The following ACSL5 variants were observed in gnomAD, a reference collection of about 807,000 sequenced individuals.
The protein encoded by ACSL5 is acyl-CoA synthetase long chain family member 5, also known as long-chain-fatty-acid--CoA ligase 5.
ACSL5 carries 50 observed loss-of-function variants against 84.9 expected under a neutral mutation model. That is an observed-to-expected ratio of 0.59 (90% CI 0.47 to 0.75). The LOEUF (loss-of-function observed/expected upper bound fraction) is 0.75. Among genes scored for constraint, ACSL5 ranks in the 30% least tolerant of loss-of-function variants. The pLI is 0.00. For missense variants in ACSL5, 775 were observed against 830.4 expected (o/e 0.93, Z 0.82); for synonymous variants, 280 against 300.7 (o/e 0.93, Z 0.71).
chr10:112,424,362 A>G (rs1163417032), intron 17 of ACSL5: 1 of 152,256 alleles, frequency 6.6e-6, no homozygotes, highest in Non-Finnish European at 1.5e-5. Context: ...TTCTTGCTCA[A>G]TCAATATTTA....
intron 6 of ACSL5, 178 bp from the exon 7 acceptor site, chr10:112,409,329 A>G (rs1370788613): frequency 3.4e-6 from 2 of 580,266 alleles, no homozygotes; most frequent in Non-Finnish European, 6.1e-6. Flanking sequence ...TGTTTCAGTT[A>G]AGTTCATTTA....
In ACSL5 at chr10:112,407,051, A is replaced by T. The variant is rs534553184; in HGVS notation, c.433-1371A>T. Among the ~76,000 whole-genome samples the T allele has an allele frequency of 5.9e-5, 9 of 152,252 alleles. No individual in the cohort carries two copies. The East Asian group carries it at 1.7e-3, about 29-fold the overall frequency. ...CAGCAAGAGAAAATGAGGAAGAAGC[A>T]AAAAGTGGAAACCCCTGGTAAACCC... is the stretch of plus-strand genomic sequence containing the variant. On this transcript the variant is annotated intron_variant, in intron 5 of 20. Coordinates refer to ENST00000354655, the MANE Select transcript of ACSL5 (RefSeq NM_203379.2).
intron 1 of ACSL5, among the ~76,000 whole-genome samples, chr10:112,394,194 C>T (rs771906301): frequency 2.1e-4 from 32 of 152,304 alleles, no homozygotes; most frequent in Admixed American, 2.0e-4. Context: ...CTCTTCTTGA[C>T]CTAACTCTTC....
At chr10:112,388,188 C>T (rs899437623) in intron 1 of ACSL5, among the ~76,000 whole-genome samples, 1 of 152,148 alleles carries the variant, frequency 6.6e-6, no homozygotes, top group African/African-American at 2.4e-5. Flanking sequence ...GATCTGCCCT[C>T]CTTGGCCTCC....
intron 1 of ACSL5, among the ~76,000 whole-genome samples, chr10:112,374,842 G>A (rs1439654447): frequency 1.3e-5 from 2 of 152,174 alleles, no homozygotes; most frequent in African/African-American, 4.8e-5. Context: ...CTCCAAGGTG[G>A]TGTGGCTAGA....
chr10:112,408,089 A>G (rs1341893829), intron 5 of ACSL5, among the ~76,000 whole-genome samples: 8 of 152,086 alleles, frequency 5.3e-5, no homozygotes, highest in Admixed American at 2.6e-4. Flanking sequence ...GGTTGAGCCT[A>G]GGAGTTTTAT....
chr10:112,427,088 T>C (rs1157630680), intron 20 of ACSL5, 130 bp from the exon 21 acceptor site: 11 of 984,956 alleles, frequency 1.1e-5, no homozygotes, highest in Non-Finnish European at 1.7e-5. Context: ...TTTGTGGGAA[T>C]GGGCATGTGT....
intron 19 of ACSL5, 105 bp from the exon 20 acceptor site, chr10:112,426,683 T>G: frequency 1.0e-6 from 1 of 998,210 alleles, no homozygotes; most frequent in Non-Finnish European, 1.6e-6. Context: ...TTTATATTCC[T>G]GCTTTCATAC....
chr10:112,410,769 A>C, intron 9 of ACSL5, 134 bp downstream of exon 9: 1 of 848,324 alleles, frequency 1.2e-6, no homozygotes. Flanking sequence ...TAAGGCTTCT[A>C]AGTGTGAATT....
Position 112,404,691 on chromosome 10 carries a change from T to C in ACSL5, c.331-14T>C. On this transcript the variant is annotated splice_polypyrimidine_tract_variant and intron_variant, in intron 4 of 20. Coordinates refer to ENST00000354655, the MANE Select transcript of ACSL5 (RefSeq NM_203379.2). ...TCTTCTCTCTCTCTCTCACCCCATC[T>C]CTCTTTTTTGTAGGTGTCTGATAGA... 6.2e-7 allele frequency: 1 copy of C among 1,611,894 alleles called. No homozygotes were observed.
chr10:112,380,616 C>A (rs1220974706), intron 1 of ACSL5, among the ~76,000 whole-genome samples: 2 of 152,144 alleles, frequency 1.3e-5, no homozygotes, highest in Non-Finnish European at 2.9e-5. Flanking sequence ...CTCCATCCAA[C>A]CTAATGAGAT....
chr10:112,400,463 G>T (rs1442814999), intron 3 of ACSL5, among the ~76,000 whole-genome samples: 1 of 136,872 alleles, frequency 7.3e-6, no homozygotes, highest in African/African-American at 2.7e-5. Flanking sequence ...AGGCTGGAGT[G>T]CAGTGGTGCA....
intron 14 of ACSL5, 29 bp downstream of exon 14, chr10:112,417,970 G>A (rs1280155586): frequency 1.3e-6 from 2 of 1,527,800 alleles, no homozygotes; most frequent in East Asian, 2.3e-5. Context: ...TTGAGAATAG[G>A]CTATTTTACT....
intron 1 of ACSL5, among the ~76,000 whole-genome samples, chr10:112,385,850 C>T (rs1253062195): frequency 6.6e-6 from 1 of 152,108 alleles, no homozygotes; most frequent in Non-Finnish European, 1.5e-5. Flanking sequence ...GGTGTTATGT[C>T]TGTCTTGAGT....
chr10:112,422,499 T>C, intron 17 of ACSL5, 58 bp downstream of exon 17: 2 of 1,503,282 alleles, frequency 1.3e-6, no homozygotes. Flanking sequence ...AAGAACAATC[T>C]GCTTATAGCA....
intron 11 of ACSL5, chr10:112,412,440 G>A (rs1241467590): frequency 6.2e-6 from 1 of 160,100 alleles, no homozygotes; most frequent in Non-Finnish European, 1.4e-5. Context: ...GCACACCTGA[G>A]TGTGTAAGGT....
At chr10:112,387,276 T>C (rs11195940) in intron 1 of ACSL5, among the ~76,000 whole-genome samples, 74,115 of 152,042 alleles carry the variant, frequency 0.49, 18,177 homozygotes, top group South Asian at 0.58. Flanking sequence ...GTTTAAGAAA[T>C]GATTTTTTAA....
At chr10:112,382,853 C>T (rs538323148) in intron 1 of ACSL5, among the ~76,000 whole-genome samples, 8 of 152,272 alleles carry the variant, frequency 5.3e-5, no homozygotes, top group Non-Finnish European at 1.2e-4. Flanking sequence ...CGTAAGCAAT[C>T]GAATTGAATC....
chr10:112,408,410 C>T lies in ACSL5; in HGVS notation c.433-12C>T, dbSNP rs1172608306. The T allele has an allele frequency of 2.5e-6, 4 of 1,578,202 alleles. No individual in the cohort carries two copies. Among genetic ancestry groups the T allele is most frequent in the African/African-American group, 1.3e-5 (1 of 74,166 alleles). ...TGCCCTCCAGTCCTTACTTGAACTT[C>T]TCTCTGTACAGTGGATCATCTCCGA... On this transcript the variant is annotated splice_polypyrimidine_tract_variant and intron_variant, in intron 5 of 20. Coordinates refer to ENST00000354655, the MANE Select transcript of ACSL5 (RefSeq NM_203379.2).
Sources: allele counts gnomAD v4.1 joint callset (sites outside exome capture counted in the v4.1 genomes callset), GRCh38; gene constraint gnomAD v4.1.1; transcripts MANE v1.5; gene names NCBI Gene and HGNC (gene_info 2026-07-23, HGNC 2026-07-21).